Variants in LAMA3 observed in about 807,000 individuals in gnomAD.
LAMA3 encodes laminin subunit alpha-3.
LAMA3 carries 281 observed loss-of-function variants against 402.0 expected under a neutral mutation model. The ratio of observed to expected loss-of-function variants is 0.70; its 90% CI spans 0.63 to 0.77. The LOEUF (loss-of-function observed/expected upper bound fraction) is 0.77. Among genes scored for constraint, LAMA3 ranks in the 30% least tolerant of loss-of-function variants. LAMA3 has a pLI of 0.00. For synonymous variants in LAMA3, 1,431 were observed against 1,558.4 expected, an observed-to-expected ratio of 0.92 and a Z score of 1.93; for missense variants, 3,840 against 4,215.5, an observed-to-expected ratio of 0.91 and a Z score of 2.47.
chr18:23,899,456 G>T lies in LAMA3; in HGVS notation c.6004+1G>T. 6.2e-7 allele frequency: 1 copy of T among 1,613,926 alleles called. No individual in the cohort carries two copies. Among genetic ancestry groups the T allele is most frequent in the South Asian group, 1.1e-5 (1 of 91,046 alleles). Reference sequence around the variant, plus strand: ...GCTGATAAAAGGGAGTCGCAGCTCTGTAAGAATGCTCCCAAATTCTTGCAT... The same window carrying T: ...GCTGATAAAAGGGAGTCGCAGCTCTTTAAGAATGCTCCCAAATTCTTGCAT... On this transcript the variant is annotated splice_donor_variant, in intron 47 of 74. Coordinates refer to ENST00000313654, the MANE Select transcript of LAMA3 (RefSeq NM_198129.4). LOFTEE classifies it high-confidence loss of function.
chr18:23,928,547 G>A (rs1327385747), intron 63 of LAMA3, 78 bp from the exon 64 acceptor site: 1 of 1,361,358 alleles, frequency 7.3e-7, no homozygotes, highest in Non-Finnish European at 1.1e-6. Flanking sequence ...TTTGAGTAAA[G>A]TGAGATAGGG....
At chr18:23,906,025 A>G (rs1000102051) in intron 52 of LAMA3, among the ~76,000 whole-genome samples, 7 of 152,264 alleles carry the variant, frequency 4.6e-5, no homozygotes, top group Admixed American at 3.9e-4. Flanking sequence ...TCAGCTTCCC[A>G]AAATGGTGGG....
At chr18:23,932,102 G>T in intron 65 of LAMA3, 58 bp from the exon 66 acceptor site, 14 of 1,607,918 alleles carry the variant, frequency 8.7e-6, no homozygotes, top group Non-Finnish European at 5.1e-6. Context: ...TTGGCCACAT[G>T]GCAAGGGCCC....
chr18:23,700,262 A>T (rs1425946675), intron 1 of LAMA3, among the ~76,000 whole-genome samples: 3 of 152,110 alleles, frequency 2.0e-5, no homozygotes, highest in Non-Finnish European at 4.4e-5. Flanking sequence ...CTTGCACGAG[A>T]TCCAAGAACC....
intron 12 of LAMA3, among the ~76,000 whole-genome samples, chr18:23,799,684 G>A (rs1041062494): frequency 1.3e-5 from 2 of 152,144 alleles, no homozygotes; most frequent in African/African-American, 2.4e-5. Flanking sequence ...CAAGCCTGTA[G>A]TAGCCAGGGT....
At chr18:23,877,349 A>G (rs773044025) in intron 39 of LAMA3, among the ~76,000 whole-genome samples, 2 of 152,182 alleles carry the variant, frequency 1.3e-5, no homozygotes, top group African/African-American at 2.4e-5. Context: ...ATGCATCCTG[A>G]AGCAGAACCT....
At chr18:23,722,089 A>G (rs1184693178) in intron 2 of LAMA3, among the ~76,000 whole-genome samples, 1 of 152,192 alleles carries the variant, frequency 6.6e-6, no homozygotes, top group African/African-American at 2.4e-5. Flanking sequence ...TCATCTTAAA[A>G]GGCACTTTCT....
chr18:23,921,142 C>G, intron 61 of LAMA3, 88 bp downstream of exon 61: 1 of 1,395,170 alleles, frequency 7.2e-7, no homozygotes, highest in Non-Finnish European at 1.0e-6. Flanking sequence ...ATAAATAAAA[C>G]TTCCTATTAC....
intron 12 of LAMA3, among the ~76,000 whole-genome samples, chr18:23,799,753 G>T (rs1162069068): frequency 6.6e-6 from 1 of 152,182 alleles, no homozygotes; most frequent in East Asian, 1.9e-4. Context: ...GAGAGAGAGA[G>T]AGATTTATTT....
intron 2 of LAMA3, among the ~76,000 whole-genome samples, chr18:23,720,576 G>C (rs1327171010): frequency 6.6e-6 from 1 of 152,038 alleles, no homozygotes; most frequent in Admixed American, 6.6e-5. Context: ...GGATGATCTT[G>C]ATTTCTTGAC....
chr18:23,751,758 C>T (rs1212294458), intron 5 of LAMA3, among the ~76,000 whole-genome samples: 1 of 152,212 alleles, frequency 6.6e-6, no homozygotes, highest in Non-Finnish European at 1.5e-5. Context: ...GAACATCTCT[C>T]ACTCTCAGGT....
intron 37 of LAMA3, 136 bp downstream of exon 37, chr18:23,868,053 G>T (rs1250840353): frequency 1.3e-6 from 1 of 750,140 alleles, no homozygotes; most frequent in African/African-American, 1.8e-5. Context: ...TATACAGGTT[G>T]AGCATCCTTA....
At chr18:23,710,843 A>T (rs762828601) in intron 1 of LAMA3, among the ~76,000 whole-genome samples, 5 of 152,200 alleles carry the variant, frequency 3.3e-5, no homozygotes, top group Non-Finnish European at 7.3e-5. Flanking sequence ...TTAAATTTTT[A>T]GAATAAATTT....
intron 1 of LAMA3, among the ~76,000 whole-genome samples, chr18:23,705,450 T>TACACACACACACACACACACAC (rs35025245): frequency 6.9e-6 from 1 of 145,394 alleles, no homozygotes; most frequent in African/African-American, 2.5e-5. Flanking sequence ...TATCATGACA[T>TACACACACACACACACACACAC]ACACACACAC....
intron 12 of LAMA3, among the ~76,000 whole-genome samples, chr18:23,784,504 G>A (rs1460969790): frequency 6.6e-6 from 1 of 152,150 alleles, no homozygotes; most frequent in Non-Finnish European, 1.5e-5. Flanking sequence ...AGTTGGGTTT[G>A]CAAATTGGAA....
chr18:23,713,478 T>C (rs1160814629), intron 1 of LAMA3, among the ~76,000 whole-genome samples: 1 of 152,340 alleles, frequency 6.6e-6, no homozygotes, highest in African/African-American at 2.4e-5. Context: ...GTTTGGATCC[T>C]TGATGCACCA....
chr18:23,865,219 C>A (rs1441141709), intron 36 of LAMA3, among the ~76,000 whole-genome samples: 1 of 152,156 alleles, frequency 6.6e-6, no homozygotes, highest in Non-Finnish European at 1.5e-5. Flanking sequence ...GAGTTGAACT[C>A]CTGGCCTCAA....
intron 2 of LAMA3, among the ~76,000 whole-genome samples, chr18:23,727,201 T>A (rs568956976): frequency 5.9e-5 from 9 of 152,340 alleles, no homozygotes; most frequent in Admixed American, 5.9e-4. Context: ...CCTAAAGACA[T>A]ACAAAATATA....
chr18:23,904,603 C>T lies in LAMA3; in HGVS notation c.6524C>T (p.Ala2175Val). Residue 2175 changes from alanine (A) to valine (V), a missense_variant, in exon 51 of 75, where the codon GCC becomes GTC. By Grantham distance (64) the Ala-to-Val change is moderately conservative. Transcript: ENST00000313654. ...GAGCTGGTGCGCTGTGCTGTGGATG[C>T]CGCCACCGCCTACGAGAACATCCTC... Reference protein sequence around the residue: ...GDELVRCAVDAATAYENILNA... With the variant: ...GDELVRCAVDVATAYENILNA... 6.2e-7 allele frequency: 1 copy of T among 1,611,580 alleles called. No individual in the cohort carries two copies. The highest frequency in any genetic ancestry group is 1.7e-5 in the Admixed American group (1 of 59,788).
Sources: gnomAD v4.1 joint callset for allele counts (sites outside exome capture counted in the v4.1 genomes callset) on GRCh38, gnomAD v4.1.1 for gene constraint, MANE v1.5 for transcripts, NCBI Gene and HGNC (gene_info 2026-07-23, HGNC 2026-07-21) for gene names.